The following DOCK3 variants were observed in gnomAD, a reference collection of about 807,000 sequenced individuals.
DOCK3 encodes dedicator of cytokinesis 3.
A neutral mutation model predicts 265.6 loss-of-function variants in DOCK3; 60 were observed. The observed-to-expected ratio is 0.23, with a 90% CI of 0.18 to 0.28. The LOEUF (loss-of-function observed/expected upper bound fraction) is 0.28. Ranked by LOEUF, DOCK3 falls within the 10% of genes least tolerant of loss-of-function variation. The pLI is 1.00. For missense variants in DOCK3, 1,981 were observed against 2,594.3 expected (o/e 0.76, Z 5.14); for synonymous variants, 881 against 938.0 (o/e 0.94, Z 1.11).
intron 5 of DOCK3, among the ~76,000 whole-genome samples, chr3:51,013,032 C>T (rs190258279): frequency 1.1e-4 from 16 of 152,240 alleles, no homozygotes; most frequent in African/African-American, 3.4e-4. Context: ...ACTGTTTATT[C>T]TAGTTAGCCA....
rs183001717 is a variant in DOCK3, at chr3:51,309,072, C to T, written c.2923-1160C>T. ...CTCACTTCCTAGATGGGATGGCGGG[C>T]GGGCAGAGACGCTCCTCACTTTCCA... On this transcript the variant is annotated intron_variant, in intron 27 of 52. Coordinates refer to ENST00000266037, the MANE Select transcript of DOCK3 (RefSeq NM_004947.5). Among the ~76,000 whole-genome samples the T allele has an allele frequency of 6.7e-3, 1,020 of 151,370 alleles. 6 individuals carry two copies. Among genetic ancestry groups the T allele is most frequent in the African/African-American group, 0.023 (952 of 41,142 alleles).
chr3:51,007,186 G>A (rs1288582168), intron 5 of DOCK3, among the ~76,000 whole-genome samples: 3 of 152,154 alleles, frequency 2.0e-5, no homozygotes, highest in African/African-American at 7.2e-5. Flanking sequence ...CTAGATCCTT[G>A]AGGAATCACC....
intron 5 of DOCK3, among the ~76,000 whole-genome samples, chr3:50,948,046 A>G (rs2076482790): frequency 1.4e-5 from 2 of 142,150 alleles, no homozygotes; most frequent in South Asian, 2.3e-4. Context: ...TATTATTATT[A>G]TTATTATTAT....
chr3:50,850,831 A>G (rs1254218951), intron 3 of DOCK3, among the ~76,000 whole-genome samples: 2 of 152,222 alleles, frequency 1.3e-5, no homozygotes, highest in African/African-American at 4.8e-5. Context: ...ACAAGCCAAT[A>G]GATGGCACTT....
At chr3:51,287,891 C>A (rs2081498370) in intron 27 of DOCK3, among the ~76,000 whole-genome samples, 1 of 152,164 alleles carries the variant, frequency 6.6e-6, no homozygotes, top group African/African-American at 2.4e-5. Context: ...ACCTAAATGC[C>A]CATCAGTGGT....
At chr3:51,087,886 C>A (rs547372357) in intron 7 of DOCK3, among the ~76,000 whole-genome samples, 1 of 152,094 alleles carries the variant, frequency 6.6e-6, no homozygotes, top group Non-Finnish European at 1.5e-5. Context: ...ATCCAGCAGT[C>A]CTACTACTGG....
chr3:51,281,030 A>G (rs534258286), intron 27 of DOCK3, among the ~76,000 whole-genome samples: 27 of 152,104 alleles, frequency 1.8e-4, no homozygotes, highest in Non-Finnish European at 3.8e-4. Context: ...TCACACACAC[A>G]TCCTTCCTCC....
At chr3:50,835,882 A>G (rs1177651043) in intron 2 of DOCK3, among the ~76,000 whole-genome samples, 1 of 152,222 alleles carries the variant, frequency 6.6e-6, no homozygotes, top group East Asian at 1.9e-4. Flanking sequence ...CTTATCTCTC[A>G]GTGGTGGGAG....
intron 9 of DOCK3, among the ~76,000 whole-genome samples, chr3:51,117,221 CAT>C (rs1157776729): frequency 6.6e-6 from 1 of 152,120 alleles, no homozygotes; most frequent in Non-Finnish European, 1.5e-5. Context: ...TTTAGATAAT[CAT>C]GTGGTTTTTG....
intron 33 of DOCK3, 91 bp downstream of exon 33, chr3:51,330,314 T>C: frequency 7.6e-7 from 1 of 1,310,484 alleles, no homozygotes; most frequent in Non-Finnish European, 1.1e-6. Context: ...CTGGCAGGCT[T>C]TAGAGGTTGG....
chr3:51,067,134 G>A (rs926423524), intron 6 of DOCK3, among the ~76,000 whole-genome samples: 5 of 152,084 alleles, frequency 3.3e-5, no homozygotes, highest in African/African-American at 1.2e-4. Flanking sequence ...AAGCAAATTG[G>A]TCACAGTTGA....
At chr3:50,737,396 A>G (rs938684545) in intron 1 of DOCK3, among the ~76,000 whole-genome samples, 1 of 152,192 alleles carries the variant, frequency 6.6e-6, no homozygotes, top group African/African-American at 2.4e-5. Context: ...TGTCATGACA[A>G]CAGCACCAAG....
intron 7 of DOCK3, among the ~76,000 whole-genome samples, chr3:51,088,413 T>C (rs1190873257): frequency 6.6e-6 from 1 of 152,132 alleles, no homozygotes; most frequent in Admixed American, 6.5e-5. Flanking sequence ...GAAGAGAAGA[T>C]TTGAAATGTT....
intron 3 of DOCK3, among the ~76,000 whole-genome samples, chr3:50,862,406 T>C (rs1434014797): frequency 1.3e-5 from 2 of 152,294 alleles, no homozygotes; most frequent in African/African-American, 2.4e-5. Context: ...ATCCAGAAGG[T>C]GGTGCTTAAG....
chr3:51,328,736 G>A (rs2084319622), intron 32 of DOCK3, among the ~76,000 whole-genome samples: 1 of 152,080 alleles, frequency 6.6e-6, no homozygotes, highest in Non-Finnish European at 1.5e-5. Flanking sequence ...CTTAGCCTTA[G>A]GATTCTTTGC....
intron 10 of DOCK3, among the ~76,000 whole-genome samples, chr3:51,148,520 T>C (rs2085410978): frequency 6.6e-6 from 1 of 152,226 alleles, no homozygotes. Flanking sequence ...AATTTTTGTA[T>C]AAGGTGTAAG....
At chr3:51,091,875 C>T (rs925833489) in intron 9 of DOCK3, among the ~76,000 whole-genome samples, 2 of 152,092 alleles carry the variant, frequency 1.3e-5, no homozygotes, top group East Asian at 1.9e-4. Context: ...AGCAGGGTGG[C>T]GCATTGCCTC....
At chr3:50,961,622 A>G (rs927494897) in intron 5 of DOCK3, among the ~76,000 whole-genome samples, 1 of 152,218 alleles carries the variant, frequency 6.6e-6, no homozygotes, top group African/African-American at 2.4e-5. Context: ...AGCTTTAGGG[A>G]AGTGACAAGG....
intron 22 of DOCK3, among the ~76,000 whole-genome samples, chr3:51,252,913 G>A (rs186710412): frequency 1.3e-5 from 2 of 152,332 alleles, no homozygotes; most frequent in Admixed American, 1.3e-4. Flanking sequence ...AATAGGAGTG[G>A]TGAGAGAGGG....
Sources: gnomAD v4.1 joint callset for allele counts (sites outside exome capture counted in the v4.1 genomes callset) on GRCh38, gnomAD v4.1.1 for gene constraint, MANE v1.5 for transcripts, NCBI Gene and HGNC (gene_info 2026-07-23, HGNC 2026-07-21) for gene names.